PFKP: variants seen among roughly 807,000 people sequenced by gnomAD.
The protein encoded by PFKP is ATP-dependent 6-phosphofructokinase, platelet type.
In PFKP, 101 loss-of-function variants were observed where a neutral mutation model predicts 94.3. That is an observed-to-expected ratio of 1.07 (90% confidence interval 0.91 to 1.26). The LOEUF is 1.26. Among genes scored for constraint, PFKP ranks in the 50% most tolerant of loss-of-function variants. The pLI, the probability that PFKP is intolerant of heterozygous loss-of-function variation, is 0.00. For missense variants in PFKP, 1,145 were observed against 1,103.3 expected, an observed-to-expected ratio of 1.04 and a Z score of -0.53; for synonymous variants, 573 against 432.6, an observed-to-expected ratio of 1.32 and a Z score of -4.03.
intron 13 of PFKP, among the ~76,000 whole-genome samples, chr10:3,114,477 G>A (rs920557173): frequency 2.0e-5 from 3 of 152,214 alleles, no homozygotes; most frequent in Admixed American, 2.0e-4. Context: ...CTTATGCTGA[G>A]GAATTAAATG....
chr10:3,107,171 A>T, intron 7 of PFKP, 43 bp from the exon 8 acceptor site: 4 of 1,210,310 alleles, frequency 3.3e-6, no homozygotes, highest in African/African-American at 1.5e-5. Flanking sequence ...GTTGCTAAGA[A>T]CAGGATTAGG....
intron 2 of PFKP, among the ~76,000 whole-genome samples, chr10:3,095,531 C>T (rs1279909879): frequency 6.6e-6 from 1 of 152,166 alleles, no homozygotes; most frequent in African/African-American, 2.4e-5. Flanking sequence ...TCAGAGTCAA[C>T]AAGACAGAGA....
chr10:3,107,777 G>C (rs1414654941), intron 8 of PFKP: 1 of 1,196,364 alleles, frequency 8.4e-7, no homozygotes, highest in Admixed American at 3.6e-5. Context: ...TCGTGGCCCT[G>C]CCTGGGAACA....
At chr10:3,109,518 C>A in intron 10 of PFKP, 38 bp downstream of exon 10, 4 of 1,592,136 alleles carry the variant, frequency 2.5e-6, no homozygotes, top group Non-Finnish European at 1.7e-6. Context: ...AGGGCGGAGA[C>A]GGCTGGGACA....
At chr10:3,110,581 CAAAG>C (rs1167912924) in intron 10 of PFKP, among the ~76,000 whole-genome samples, 6 of 152,058 alleles carry the variant, frequency 3.9e-5, no homozygotes, top group African/African-American at 1.4e-4. Context: ...TTAACACACA[CAAAG>C]AAGTCGTGAA....
Position 3,132,389 on chromosome 10 carries a change from G to GAGC in PFKP, c.1860_1862dup (p.Glu620_His621insGln). On this transcript the variant is annotated inframe_insertion, in exon 18 of 22. Coordinates refer to ENST00000381125, the MANE Select transcript of PFKP (RefSeq NM_002627.5). ...AAATACTCTCTTCCAGTCCAACGTG[G>GAGC]AGCACCTGACGGAGAAAATGAAGAC... 1 of 1,610,838 alleles carries GAGC rather than the reference G, an allele frequency of 6.2e-7. No homozygotes were observed. Among genetic ancestry groups the GAGC allele is most frequent in the Non-Finnish European group, 8.5e-7 (1 of 1,177,086 alleles).
chr10:3,113,177 C>A lies in PFKP; in HGVS notation c.1213C>A (p.Gln405Lys). The stretch of plus-strand genomic sequence containing the variant: ...ACTTGCCATCAAGCTGCCGGATGAT[C>A]AGATCCCAAAGGTAGGTGGCCGGCC... Reference protein sequence around the residue: ...KRLAIKLPDDQIPKTNCNVAV... With the variant: ...KRLAIKLPDDKIPKTNCNVAV... The change falls in exon 12 of 22, where the codon CAG becomes AAG. Residue 405 changes from glutamine (Q) to lysine (K), a missense_variant. Gln to Lys is a moderately conservative substitution (Grantham distance 53). Transcript: ENST00000381125. The A allele has an allele frequency of 6.2e-7, 1 of 1,612,212 alleles. No individual in the cohort carries two copies. The highest frequency in any genetic ancestry group is 8.5e-7 in the Non-Finnish European group (1 of 1,179,236).
chr10:3,104,020 T>C lies in PFKP; in HGVS notation c.620+76T>C, dbSNP rs536636024. ...CCAGCTCAGACGTTACCACGGGCTC[T>C]AGAACATTCTGCAGATTGGGTGTCC... On this transcript the variant is annotated intron_variant, in intron 5 of 21. Transcript: ENST00000381125. 1.4e-4 allele frequency: 198 copies of C among 1,384,718 alleles called. 4 individuals carry two copies. In the South Asian group the frequency reaches 2.5e-3, roughly 18 times the overall value. The allele number at this position is 1,384,718 out of a possible 1,614,324, so 85.8% of individuals were successfully genotyped here. A position where few individuals can be genotyped will look rare whatever the true frequency, so the allele number is the denominator to read the frequency against.
intron 1 of PFKP, among the ~76,000 whole-genome samples, chr10:3,073,811 C>G (rs1335131188): frequency 6.6e-6 from 1 of 151,590 alleles, no homozygotes; most frequent in Non-Finnish European, 1.5e-5. Context: ...GATTTTATTT[C>G]TGTGTGTGTG....
chr10:3,136,742 G>C lies in PFKP; in HGVS notation c.*163G>C. 2 of 626,298 alleles carry C rather than the reference G, an allele frequency of 3.2e-6. No individual in the cohort carries two copies. The highest frequency in any genetic ancestry group is 3.1e-5 in the East Asian group (1 of 32,562). 38.8% of individuals were successfully genotyped at this position (626,298 alleles called of 1,614,324 possible). A position where few individuals can be genotyped will look rare whatever the true frequency, so the allele number is the denominator to read the frequency against. On this transcript the variant is annotated 3_prime_UTR_variant, in exon 22 of 22. Coordinates refer to ENST00000381125, the MANE Select transcript of PFKP (RefSeq NM_002627.5). ...CCAGTGCGTGCTGTCTGTGGAGTGTGTCTCATGCTTTCAGATGTGCATATG... is the reference window on the plus strand; with the variant it reads ...CCAGTGCGTGCTGTCTGTGGAGTGTCTCTCATGCTTTCAGATGTGCATATG...
Position 3,134,569 on chromosome 10 carries a change from G to A in PFKP, c.2109G>A (p.Glu703=). The part of the protein sequence containing the change: ...AMEWITAKLK[E]ARGRGKKFTT... ...AGTGGATCACTGCAAAACTCAAGGA[G>A]GCCCGGGGCAGAGGTAAGGGGTCTG... The change falls in exon 20 of 22, where the codon GAG becomes GAA. Residue 703 remains glutamate (E), a synonymous_variant. Coordinates refer to ENST00000381125, the MANE Select transcript of PFKP (RefSeq NM_002627.5). 1 of 1,612,638 alleles carries A rather than the reference G, an allele frequency of 6.2e-7. No homozygotes were observed. The highest frequency in any genetic ancestry group is 1.3e-5 in the African/African-American group (1 of 75,038).
intron 16 of PFKP, among the ~76,000 whole-genome samples, chr10:3,121,707 T>TG (rs1404142930): frequency 6.6e-6 from 1 of 151,650 alleles, no homozygotes; most frequent in Non-Finnish European, 1.5e-5. Flanking sequence ...TTACTTCCCT[T>TG]GGAGGGATTG....
rs545002071 is a variant in PFKP, at chr10:3,132,473, C to A, written c.1910+32C>A. ...GAGAGAGACCAGGGGCTGATCTTAC[C>A]CTCACCGCCACACCCTGGTTCTTAG... On this transcript the variant is annotated intron_variant, in intron 18 of 21. Coordinates refer to ENST00000381125, the MANE Select transcript of PFKP (RefSeq NM_002627.5). 9 of 1,450,772 alleles carry A rather than the reference C, an allele frequency of 6.2e-6. No individual in the cohort carries two copies. The South Asian group carries it at 1.0e-4, about 17-fold the overall frequency. The allele number at this position is 1,450,772 out of a possible 1,614,324, so 89.9% of individuals were successfully genotyped here.
intron 13 of PFKP, among the ~76,000 whole-genome samples, chr10:3,114,115 G>C (rs1302126419): frequency 2.6e-5 from 4 of 151,626 alleles, no homozygotes; most frequent in South Asian, 2.1e-4. Context: ...GTGGCTATTT[G>C]TTTATCTGAT....
At chr10:3,093,923 G>T (rs566751563) in intron 2 of PFKP, among the ~76,000 whole-genome samples, 16 of 152,154 alleles carry the variant, frequency 1.1e-4, no homozygotes, top group South Asian at 2.1e-4. Context: ...GATTACAGGC[G>T]TGAGCCACCG....
chr10:3,076,387 C>T (rs998676639), intron 1 of PFKP, among the ~76,000 whole-genome samples: 1 of 152,050 alleles, frequency 6.6e-6, no homozygotes, highest in African/African-American at 2.4e-5. Context: ...GCCGCGCCCC[C>T]GCCCCAGCCC....
intron 20 of PFKP, among the ~76,000 whole-genome samples, chr10:3,135,276 G>A (rs1490301175): frequency 6.6e-6 from 1 of 151,916 alleles, no homozygotes; most frequent in East Asian, 1.9e-4. Flanking sequence ...GTCCAACTTA[G>A]AAAAATGACA....
At chr10:3,093,926 A>T (rs988782729) in intron 2 of PFKP, among the ~76,000 whole-genome samples, 2 of 152,184 alleles carry the variant, frequency 1.3e-5, no homozygotes, top group African/African-American at 4.8e-5. Context: ...TACAGGCGTG[A>T]GCCACCGCAT....
chr10:3,081,977 C>CTTTTTTTTTTTTTTT lies in PFKP; in HGVS notation c.113-393_113-379dup, dbSNP rs547880338. Among the ~76,000 whole-genome samples the CTTTTTTTTTTTTTTT allele has an allele frequency of 9.5e-4, 65 of 68,428 alleles. 5 individuals are homozygous for CTTTTTTTTTTTTTTT. Among genetic ancestry groups the CTTTTTTTTTTTTTTT allele is most frequent in the Middle Eastern group, 0.026 (2 of 78 alleles). The allele number at this position is 68,428 out of a possible 152,430, so 44.9% of individuals were successfully genotyped here. A position where few individuals can be genotyped will look rare whatever the true frequency, so the allele number is the denominator to read the frequency against. ...CTTGTTTTCTGTTGAAGCCCATTGC[C>CTTTTTTTTTTTTTTT]TTTTTTTTTTTTTTTTTTTTTTTTT... is the stretch of plus-strand genomic sequence containing the variant. On this transcript the variant is annotated intron_variant, in intron 1 of 21. Coordinates refer to ENST00000381125, the MANE Select transcript of PFKP (RefSeq NM_002627.5).
Sources: allele counts gnomAD v4.1 joint callset (sites outside exome capture counted in the v4.1 genomes callset), GRCh38; gene constraint gnomAD v4.1.1; transcripts MANE v1.5; gene names NCBI Gene and HGNC (gene_info 2026-07-23, HGNC 2026-07-21).